Variants in FHIT observed in about 807,000 individuals in gnomAD.
FHIT encodes the protein bis(5'-adenosyl)-triphosphatase.
In FHIT, 19 loss-of-function variants were observed where a neutral mutation model predicts 17.9. The ratio of observed to expected loss-of-function variants is 1.06; its 90% confidence interval spans 0.74 to 1.56. FHIT has a LOEUF of 1.56. FHIT is among the 40% of genes most tolerant of loss of function. The pLI, the probability that FHIT is intolerant of heterozygous loss-of-function variation, is 0.00. For missense variants in FHIT, 248 were observed against 189.2 expected, an observed-to-expected ratio of 1.31 and a Z score of -1.82; for synonymous variants, 81 against 69.7, an observed-to-expected ratio of 1.16 and a Z score of -0.81.
At chr3:60,895,717 TCTTTCTTTCTTTCTTTCTTC>T (rs1254498186) in intron 3 of FHIT, among the ~76,000 whole-genome samples, 1 of 146,138 alleles carries the variant, frequency 6.8e-6, no homozygotes, top group Non-Finnish European at 1.5e-5. Context: ...TTTCTTTCTT[TCTTTCTTTCTTTCTTTCTTC>T]TTTCTTTTGG....
intron 4 of FHIT, among the ~76,000 whole-genome samples, chr3:60,709,606 A>C (rs1334857454): frequency 6.6e-6 from 1 of 152,214 alleles, no homozygotes; most frequent in Non-Finnish European, 1.5e-5. Flanking sequence ...TCTGGACAAA[A>C]ATAGTGGTTC....
chr3:60,322,946 A>G (rs1576473739), intron 5 of FHIT, among the ~76,000 whole-genome samples: 1 of 152,326 alleles, frequency 6.6e-6, no homozygotes, highest in Middle Eastern at 3.4e-3. Context: ...ACTTTGAATA[A>G]AAGGAGCAGA....
intron 5 of FHIT, among the ~76,000 whole-genome samples, chr3:60,306,829 G>A (rs1321898988): frequency 1.3e-5 from 2 of 152,102 alleles, no homozygotes; most frequent in South Asian, 2.1e-4. Context: ...CTTGGTGCTC[G>A]TCAGTGCTCA....
At chr3:61,067,105 C>T (rs1408777571) in intron 2 of FHIT, among the ~76,000 whole-genome samples, 1 of 152,192 alleles carries the variant, frequency 6.6e-6, no homozygotes, top group East Asian at 1.9e-4. Context: ...CCTGGCAGCA[C>T]ATGACAGCAT....
At chr3:60,094,127 G>C (rs1703843122) in intron 5 of FHIT, among the ~76,000 whole-genome samples, 1 of 152,138 alleles carries the variant, frequency 6.6e-6, no homozygotes, top group African/African-American at 2.4e-5. Context: ...GTTACCCAGT[G>C]AAGTTTCTAA....
At chr3:60,161,618 C>T (rs988623410) in intron 5 of FHIT, among the ~76,000 whole-genome samples, 2 of 151,966 alleles carry the variant, frequency 1.3e-5, no homozygotes, top group Non-Finnish European at 2.9e-5. Flanking sequence ...TTGCCAGGAA[C>T]AGAAGGTATG....
At chr3:60,638,535 G>A (rs556462348) in intron 4 of FHIT, among the ~76,000 whole-genome samples, 1 of 152,224 alleles carries the variant, frequency 6.6e-6, no homozygotes, top group African/African-American at 2.4e-5. Flanking sequence ...AAATCTTAAT[G>A]TTCAGGTCGT....
At chr3:60,904,769 A>G (rs1291218086) in intron 3 of FHIT, among the ~76,000 whole-genome samples, 1 of 151,630 alleles carries the variant, frequency 6.6e-6, no homozygotes, top group Non-Finnish European at 1.5e-5. Flanking sequence ...GTGAAACCCC[A>G]TCTCTACTAA....
At chr3:59,967,883 G>GA (rs1708000013) in intron 7 of FHIT, among the ~76,000 whole-genome samples, 1 of 151,790 alleles carries the variant, frequency 6.6e-6, no homozygotes, top group African/African-American at 2.4e-5. Context: ...AAACATAAAA[G>GA]AAAAAAGAAT....
intron 5 of FHIT, among the ~76,000 whole-genome samples, chr3:60,071,263 G>T (rs4679509): frequency 1.1e-4 from 17 of 152,236 alleles, no homozygotes; most frequent in Admixed American, 1.0e-3. Context: ...GAAGGTGAAA[G>T]AATCCTATTC....
chr3:60,113,523 T>C (rs1704777678), intron 5 of FHIT, among the ~76,000 whole-genome samples: 1 of 151,822 alleles, frequency 6.6e-6, no homozygotes, highest in Non-Finnish European at 1.5e-5. Flanking sequence ...TGTACCCTAC[T>C]ATTAGCGATG....
chr3:61,061,087 G>A (rs1575939050), intron 2 of FHIT, among the ~76,000 whole-genome samples: 1 of 152,076 alleles, frequency 6.6e-6, no homozygotes, highest in African/African-American at 2.4e-5. Flanking sequence ...TATAATTGTC[G>A]AATCAGCTGT....
intron 4 of FHIT, among the ~76,000 whole-genome samples, chr3:60,631,395 C>A (rs782099442): frequency 6.6e-6 from 1 of 152,128 alleles, no homozygotes; most frequent in Non-Finnish European, 1.5e-5. Context: ...CTTTCCAGCA[C>A]CTGAGCATTG....
chr3:60,766,792 G>C (rs1182396689), intron 4 of FHIT, among the ~76,000 whole-genome samples: 2 of 152,168 alleles, frequency 1.3e-5, no homozygotes, highest in Admixed American at 1.3e-4. Context: ...GTTAGTATAT[G>C]CCAGGTACTG....
chr3:61,024,409 T>C (rs753056883), intron 3 of FHIT, among the ~76,000 whole-genome samples: 1 of 152,182 alleles, frequency 6.6e-6, no homozygotes, highest in South Asian at 2.1e-4. Flanking sequence ...CTGGTAAGAT[T>C]AGGTCTTCAA....
At chr3:60,261,586 C>T (rs1306501304) in intron 5 of FHIT, among the ~76,000 whole-genome samples, 1 of 152,000 alleles carries the variant, frequency 6.6e-6, no homozygotes, top group Non-Finnish European at 1.5e-5. Context: ...GATGTCAGAT[C>T]CTCTTCAACA....
intron 8 of FHIT, among the ~76,000 whole-genome samples, chr3:59,830,098 C>A (rs1452994529): frequency 6.6e-6 from 1 of 151,872 alleles, no homozygotes; most frequent in Non-Finnish European, 1.5e-5. Context: ...AAAACAACCC[C>A]CCCCTCAAAA....
intron 5 of FHIT, among the ~76,000 whole-genome samples, chr3:60,432,489 C>G (rs532662843): frequency 1.3e-5 from 2 of 151,944 alleles, no homozygotes; most frequent in Non-Finnish European, 2.9e-5. Flanking sequence ...ATAGTGAAAC[C>G]GTGGTAAATA....
intron 7 of FHIT, among the ~76,000 whole-genome samples, chr3:59,951,940 C>T (rs1023465580): frequency 1.3e-5 from 2 of 152,112 alleles, no homozygotes; most frequent in African/African-American, 4.8e-5. Context: ...ACCAGTGCCA[C>T]TGAGCATGCC....
Sources: gnomAD v4.1 joint callset for allele counts (sites outside exome capture counted in the v4.1 genomes callset) on GRCh38, gnomAD v4.1.1 for gene constraint, MANE v1.5 for transcripts, NCBI Gene and HGNC (gene_info 2026-07-23, HGNC 2026-07-21) for gene names.